SMG6: variants seen among roughly 807,000 people sequenced by gnomAD.
The protein encoded by SMG6 is telomerase-binding protein EST1A.
Under a neutral mutation model 142.2 loss-of-function variants are expected in SMG6, and 66 were observed. The ratio of observed to expected loss-of-function variants is 0.46; its 90% confidence interval spans 0.38 to 0.57. SMG6 has a LOEUF of 0.57. Among genes scored for constraint, SMG6 ranks in the 20% least tolerant of loss-of-function variants. The pLI, the probability that SMG6 is intolerant of heterozygous loss-of-function variation, is 0.00. For missense variants in SMG6, 1,793 were observed against 1,832.0 expected, an observed-to-expected ratio of 0.98 and a Z score of 0.39; for synonymous variants, 779 against 702.4, an observed-to-expected ratio of 1.11 and a Z score of -1.72.
chr17:2,187,585 CT>C (rs774278439), intron 11 of SMG6, among the ~76,000 whole-genome samples: 5 of 152,062 alleles, frequency 3.3e-5, no homozygotes, highest in Non-Finnish European at 7.4e-5. Flanking sequence ...AAATAATAAC[CT>C]TAAGTATGTG....
At chr17:2,222,460 C>G (rs1195057042) in intron 10 of SMG6, among the ~76,000 whole-genome samples, 1 of 145,888 alleles carries the variant, frequency 6.9e-6, no homozygotes, top group East Asian at 2.0e-4. Flanking sequence ...TAGCAGAGAA[C>G]TTGCAAGAAG....
At position 2,297,363 on chromosome 17, in the gene SMG6, G is replaced by C. The variant is rs1319437575; in HGVS notation, c.2041-10C>G. 1.3e-6 allele frequency: 2 copies of C among 1,579,568 alleles called. No individual in the cohort carries two copies. The highest frequency in any genetic ancestry group is 1.9e-5 in the Admixed American group (1 of 53,650). On this transcript the variant is annotated splice_polypyrimidine_tract_variant and intron_variant, in intron 3 of 18. Transcript: ENST00000263073. ...CAAAGAAGTCACTACCCTATAAAAA[G>C]AAAAAAAGAAATGACTGAATCAATC...
At chr17:2,267,196 C>A (rs2074439369) in intron 8 of SMG6, among the ~76,000 whole-genome samples, 1 of 152,140 alleles carries the variant, frequency 6.6e-6, no homozygotes, top group South Asian at 2.1e-4. Flanking sequence ...TGATGCCCAC[C>A]TTACAGATAC....
intron 10 of SMG6, among the ~76,000 whole-genome samples, chr17:2,217,406 C>T (rs2073049407): frequency 6.6e-6 from 1 of 151,484 alleles, no homozygotes; most frequent in Non-Finnish European, 1.5e-5. Context: ...ATTATTTTAC[C>T]AAAATGTGAT....
rs2075252845 is a variant in SMG6 at position 2,300,368 on chromosome 17, C to G, written c.385G>C (p.Asp129His). The G allele has an allele frequency of 1.2e-6, 2 of 1,613,816 alleles. No homozygotes were observed. Among genetic ancestry groups the G allele is most frequent in the African/African-American group, 2.7e-5 (2 of 74,924 alleles). The change falls in exon 2 of 19, where the codon GAT becomes CAT. Residue 129 changes from aspartate to histidine, a missense_variant. By Grantham distance (81) the Asp-to-His change is moderately conservative. This residue lies in a region of SMG6 where 1,597 missense variants were observed against 1,584.6 expected (regional missense o/e 1.01). Transcript: ENST00000263073. Reference protein sequence around the residue: ...ESFPRTAGQEDRSLKIIKRTK... With the variant: ...ESFPRTAGQEHRSLKIIKRTK... ...CTTTTGATAATTTTTAGACTACGAT[C>G]CTCTTGTCCAGCAGTCCTAGGAAAG...
intron 8 of SMG6, among the ~76,000 whole-genome samples, chr17:2,274,556 G>A (rs916801768): frequency 6.6e-6 from 1 of 152,170 alleles, no homozygotes; most frequent in African/African-American, 2.4e-5. Flanking sequence ...AAAACAGACA[G>A]ACACGTATTA....
intron 13 of SMG6, among the ~76,000 whole-genome samples, chr17:2,109,873 C>G (rs2069261019): frequency 6.6e-6 from 1 of 152,036 alleles, no homozygotes; most frequent in South Asian, 2.1e-4. Context: ...GGGTGGATCA[C>G]CTGAGCTCAG....
intron 13 of SMG6, among the ~76,000 whole-genome samples, chr17:2,106,910 G>A (rs987647314): frequency 3.3e-5 from 5 of 150,966 alleles, no homozygotes; most frequent in Non-Finnish European, 7.4e-5. Context: ...TGCAACCTCC[G>A]CCTCCCGGGT....
intron 13 of SMG6, among the ~76,000 whole-genome samples, chr17:2,124,388 T>A (rs1183520185): frequency 6.6e-6 from 1 of 152,216 alleles, no homozygotes; most frequent in African/African-American, 2.4e-5. Flanking sequence ...CAAGTAATAT[T>A]CTAGCCTCTT....
intron 13 of SMG6, among the ~76,000 whole-genome samples, chr17:2,130,512 G>A (rs1031889370): frequency 6.6e-6 from 1 of 151,486 alleles, no homozygotes; most frequent in Non-Finnish European, 1.5e-5. Context: ...CAGAGGACTA[G>A]GAAACAGGGA....
At chr17:2,146,910 C>T (rs1057352572) in intron 13 of SMG6, among the ~76,000 whole-genome samples, 7 of 152,168 alleles carry the variant, frequency 4.6e-5, no homozygotes, top group African/African-American at 1.7e-4. Context: ...TTTCATAGAG[C>T]TGATCTCCTT....
intron 8 of SMG6, among the ~76,000 whole-genome samples, chr17:2,262,108 G>A (rs945814841): frequency 1.3e-5 from 2 of 152,262 alleles, no homozygotes; most frequent in African/African-American, 2.4e-5. Flanking sequence ...AATCCATAGC[G>A]AGTATTATCA....
chr17:2,186,237 ACAAAGTGATACC>A (rs1339411447), intron 12 of SMG6, among the ~76,000 whole-genome samples: 1 of 146,466 alleles, frequency 6.8e-6, no homozygotes, highest in Non-Finnish European at 1.5e-5. Context: ...AGCCTGGGTG[ACAAAGTGATACC>A]CTGTTTCAAA....
chr17:2,235,423 C>G (rs954847114), intron 10 of SMG6, among the ~76,000 whole-genome samples: 6 of 152,258 alleles, frequency 3.9e-5, no homozygotes, highest in African/African-American at 1.4e-4. Context: ...CATATTCACT[C>G]CCCCACCACA....
intron 9 of SMG6, among the ~76,000 whole-genome samples, chr17:2,240,666 A>G (rs929293058): frequency 3.3e-5 from 5 of 152,174 alleles, no homozygotes; most frequent in Non-Finnish European, 7.3e-5. Flanking sequence ...TATTTCCTCT[A>G]AAGCTCTGAA....
intron 10 of SMG6, among the ~76,000 whole-genome samples, chr17:2,221,251 G>C (rs2073161683): frequency 6.6e-6 from 1 of 152,148 alleles, no homozygotes; most frequent in Non-Finnish European, 1.5e-5. Context: ...CTGCATCCTG[G>C]GGTGGTTTCT....
chr17:2,069,024 C>T, intron 15 of SMG6, 93 bp from the exon 16 acceptor site: 2 of 1,251,550 alleles, frequency 1.6e-6, no homozygotes, highest in East Asian at 2.4e-5. Flanking sequence ...CAGCATCCTG[C>T]CCCTAGGAAC....
At chr17:2,114,036 G>A (rs1432469877) in intron 13 of SMG6, among the ~76,000 whole-genome samples, 2 of 152,182 alleles carry the variant, frequency 1.3e-5, no homozygotes, top group African/African-American at 2.4e-5. Flanking sequence ...GGGAGGCCGA[G>A]GCAGGCGGAT....
In SMG6 at chr17:2,184,960, C is replaced by CAAAAAAAA. The variant is rs58230459; in HGVS notation, c.3155+1695_3155+1702dup. Among the ~76,000 whole-genome samples, 171 of 22,472 alleles carry CAAAAAAAA rather than the reference C, an allele frequency of 7.6e-3. 46 individuals carry two copies. The highest frequency in any genetic ancestry group is 9.1e-3 in the Non-Finnish European group (133 of 14,576). The allele number at this position is 22,472 out of a possible 152,430, so 14.7% of individuals were successfully genotyped here. A position where few individuals can be genotyped will look rare whatever the true frequency, so the allele number is the denominator to read the frequency against. ...TGGGAGACAGAGCGGGACTCCATCTCAAAAAAAAAAAAAAAAAAAAAAAAA... is the reference window on the plus strand; with the variant it reads ...TGGGAGACAGAGCGGGACTCCATCTCAAAAAAAAAAAAAAAAAAAAAAAAAAAAAAAAA... On this transcript the variant is annotated intron_variant, in intron 12 of 18. Coordinates refer to ENST00000263073, the MANE Select transcript of SMG6 (RefSeq NM_017575.5).
Sources: gnomAD v4.1 joint callset for allele counts (sites outside exome capture counted in the v4.1 genomes callset) on GRCh38, gnomAD v4.1.1 for gene constraint, gnomAD v4.1.1 regional missense constraint, MANE v1.5 for transcripts, NCBI Gene and HGNC (gene_info 2026-07-23, HGNC 2026-07-21) for gene names.